Variants in INPP4B observed in about 807,000 individuals in gnomAD.
INPP4B encodes inositol polyphosphate-4-phosphatase type II B.
Under a neutral mutation model 122.5 loss-of-function variants are expected in INPP4B, and 55 were observed. The observed-to-expected ratio is 0.45, with a 90% CI of 0.36 to 0.56. INPP4B has a LOEUF of 0.56. Among genes scored for constraint, INPP4B ranks in the 20% least tolerant of loss-of-function variants. INPP4B has a pLI of 0.00. For synonymous variants in INPP4B, 403 were observed against 388.7 expected (o/e 1.04, Z -0.43); for missense variants, 1,000 against 1,097.7 (o/e 0.91, Z 1.26).
At chr4:142,629,845 G>A (rs1429236347) in intron 2 of INPP4B, among the ~76,000 whole-genome samples, 1 of 152,090 alleles carries the variant, frequency 6.6e-6, no homozygotes, top group African/African-American at 2.4e-5. Flanking sequence ...TCCGAGGCTA[G>A]CATCTGCTGC....
chr4:142,661,351 A>G (rs755649280), intron 2 of INPP4B, among the ~76,000 whole-genome samples: 3 of 152,326 alleles, frequency 2.0e-5, no homozygotes, highest in Non-Finnish European at 4.4e-5. Context: ...CATGCCAACT[A>G]TAACCACCGA....
intron 18 of INPP4B, among the ~76,000 whole-genome samples, chr4:142,135,075 T>G (rs1803358581): frequency 6.6e-6 from 1 of 152,186 alleles, no homozygotes; most frequent in South Asian, 2.1e-4. Flanking sequence ...AATATTAGTA[T>G]TTTTGCATAA....
chr4:142,683,274 T>C (rs1301355759), intron 2 of INPP4B, among the ~76,000 whole-genome samples: 2 of 151,944 alleles, frequency 1.3e-5, no homozygotes, highest in Non-Finnish European at 2.9e-5. Context: ...TGTAAGGTAT[T>C]GAGAGCACAA....
At chr4:142,340,718 C>A (rs1443423022) in intron 7 of INPP4B, among the ~76,000 whole-genome samples, 1 of 152,136 alleles carries the variant, frequency 6.6e-6, no homozygotes, top group African/African-American at 2.4e-5. Context: ...CAGCCAGGGT[C>A]CTTCTCGTTA....
chr4:142,212,457 A>G (rs945007976), intron 12 of INPP4B, among the ~76,000 whole-genome samples: 1 of 152,142 alleles, frequency 6.6e-6, no homozygotes, highest in African/African-American at 2.4e-5. Flanking sequence ...TCTTGCTTCT[A>G]TGGAGTCTTG....
At chr4:142,086,333 T>C in intron 23 of INPP4B, 77 bp from the exon 24 acceptor site, 2 of 786,108 alleles carry the variant, frequency 2.5e-6, no homozygotes, top group South Asian at 3.1e-5. Flanking sequence ...GTTTTTTCAA[T>C]ACATTTATTT....
At chr4:142,727,254 T>G (rs1471999775) in intron 1 of INPP4B, among the ~76,000 whole-genome samples, 3 of 152,190 alleles carry the variant, frequency 2.0e-5, no homozygotes, top group Non-Finnish European at 4.4e-5. Flanking sequence ...TGCTGAGAAC[T>G]TTAGCTTGAA....
chr4:142,465,396 T>C (rs1332661771), intron 2 of INPP4B, among the ~76,000 whole-genome samples: 1 of 152,238 alleles, frequency 6.6e-6, no homozygotes, highest in African/African-American at 2.4e-5. Flanking sequence ...ACATTTATCA[T>C]TATCTTCATG....
chr4:142,780,921 T>C (rs1774707197), intron 1 of INPP4B, among the ~76,000 whole-genome samples: 1 of 152,214 alleles, frequency 6.6e-6, no homozygotes, highest in Admixed American at 6.5e-5. Flanking sequence ...TTTTCGGTTG[T>C]GAATATAAAA....
intron 2 of INPP4B, among the ~76,000 whole-genome samples, chr4:142,639,115 G>A (rs187884760): frequency 3.9e-5 from 6 of 152,238 alleles, no homozygotes; most frequent in Admixed American, 1.3e-4. Context: ...CCTTGTATAC[G>A]TGGGATCATG....
chr4:142,522,697 T>A (rs1262027419), intron 2 of INPP4B, among the ~76,000 whole-genome samples: 1 of 152,060 alleles, frequency 6.6e-6, no homozygotes, highest in African/African-American at 2.4e-5. Flanking sequence ...TCAGGTGGCA[T>A]CTGAATATAG....
At chr4:142,135,998 C>T (rs957938568) in intron 18 of INPP4B, among the ~76,000 whole-genome samples, 8 of 152,122 alleles carry the variant, frequency 5.3e-5, no homozygotes, top group Non-Finnish European at 7.4e-5. Flanking sequence ...GGGGTTTCAC[C>T]GTGTTAGCCA....
At chr4:142,047,549 C>T (rs948223440) in intron 25 of INPP4B, among the ~76,000 whole-genome samples, 2 of 151,898 alleles carry the variant, frequency 1.3e-5, no homozygotes, top group Non-Finnish European at 2.9e-5. Context: ...AGAGAAGGAC[C>T]GAGATCTCAT....
intron 1 of INPP4B, among the ~76,000 whole-genome samples, chr4:142,834,049 T>C (rs1782494613): frequency 6.6e-6 from 1 of 152,178 alleles, no homozygotes; most frequent in South Asian, 2.1e-4. Flanking sequence ...ATTCATATTA[T>C]CAAATTTAAT....
intron 18 of INPP4B, among the ~76,000 whole-genome samples, chr4:142,141,013 C>A (rs954813258): frequency 1.3e-5 from 2 of 152,140 alleles, no homozygotes; most frequent in African/African-American, 2.4e-5. Flanking sequence ...CAGAGAAATG[C>A]AAACTCTTGG....
intron 7 of INPP4B, among the ~76,000 whole-genome samples, chr4:142,364,915 CT>C (rs1786873718): frequency 6.6e-6 from 1 of 152,028 alleles, no homozygotes; most frequent in Admixed American, 6.6e-5. Flanking sequence ...TACCTTTTCC[CT>C]TTTCTTTCTC....
intron 2 of INPP4B, among the ~76,000 whole-genome samples, chr4:142,492,231 C>G (rs1011038907): frequency 2.6e-5 from 4 of 152,148 alleles, no homozygotes; most frequent in African/African-American, 9.7e-5. Flanking sequence ...AACTAAACCT[C>G]TTTCCTTTAT....
intron 15 of INPP4B, among the ~76,000 whole-genome samples, chr4:142,192,528 G>C (rs1013123738): frequency 2.6e-5 from 4 of 151,864 alleles, no homozygotes; most frequent in African/African-American, 9.7e-5. Context: ...AGCTTTATAA[G>C]GCAATATTTA....
At chr4:142,146,089 G>A in intron 17 of INPP4B, 93 bp from the exon 18 acceptor site, 2 of 1,392,082 alleles carry the variant, frequency 1.4e-6, no homozygotes, top group Non-Finnish European at 2.0e-6. Context: ...CATTTGGAAG[G>A]GTAGTCATTA....
Sources: gnomAD v4.1 joint callset for allele counts (sites outside exome capture counted in the v4.1 genomes callset) on GRCh38, gnomAD v4.1.1 for gene constraint, MANE v1.5 for transcripts, NCBI Gene and HGNC (gene_info 2026-07-23, HGNC 2026-07-21) for gene names.